The following ARMC9 variants were observed in gnomAD, a reference collection of about 807,000 sequenced individuals.
ARMC9 encodes the protein armadillo repeat containing 9.
Under a neutral mutation model 107.0 loss-of-function variants are expected in ARMC9, and 94 were observed. The ratio of observed to expected loss-of-function variants is 0.88; its 90% CI spans 0.74 to 1.04. The LOEUF is 1.04. Ranked by LOEUF, ARMC9 falls within the 50% of genes least tolerant of loss-of-function variation. The pLI is 0.00. For synonymous variants in ARMC9, 380 were observed against 396.9 expected, an observed-to-expected ratio of 0.96 and a Z score of 0.51; for missense variants, 942 against 1,030.1, an observed-to-expected ratio of 0.91 and a Z score of 1.17.
chr2:231,351,432 G>A (rs1379452957), intron 21 of ARMC9, among the ~76,000 whole-genome samples: 3 of 152,026 alleles, frequency 2.0e-5, no homozygotes, highest in Non-Finnish European at 4.4e-5. Context: ...TAAACCAGTG[G>A]TGTTGAACTT....
chr2:231,244,631 A>T (rs974207261), intron 9 of ARMC9, among the ~76,000 whole-genome samples: 1 of 152,184 alleles, frequency 6.6e-6, no homozygotes, highest in Non-Finnish European at 1.5e-5. Flanking sequence ...TGGCCTCCCA[A>T]AATGCTGGGA....
intron 3 of ARMC9, among the ~76,000 whole-genome samples, chr2:231,213,169 T>C (rs1211518874): frequency 2.0e-5 from 3 of 151,724 alleles, no homozygotes; most frequent in African/African-American, 4.8e-5. Context: ...TTTTTCTTTT[T>C]TTTTTTTTTT....
Position 231,278,002 on chromosome 2 carries a change from C to T in ARMC9, c.1475-380C>T, listed in dbSNP as rs576088747. 6.2e-4 allele frequency among the ~76,000 whole-genome samples: 94 copies of T among 152,166 alleles called. 1 individual carries two copies. Among genetic ancestry groups the T allele is most frequent in the African/African-American group, 2.0e-3 (85 of 41,526 alleles). On this transcript the variant is annotated intron_variant, in intron 15 of 24. Coordinates refer to ENST00000611582, the MANE Select transcript of ARMC9 (RefSeq NM_001352754.2). ...GGTCTTCCTGATGGTGGTGTCCGTG[C>T]GTGGGAGGGAGAACGTTGCTCTATA...
intron 19 of ARMC9, among the ~76,000 whole-genome samples, chr2:231,308,656 T>C (rs2042166764): frequency 6.6e-6 from 1 of 152,190 alleles, no homozygotes; most frequent in African/African-American, 2.4e-5. Context: ...AACAAGATGA[T>C]GTGGCTAGAA....
At chr2:231,282,272 A>G (rs2125453917) in intron 17 of ARMC9, 139 bp downstream of exon 17, 2 of 817,996 alleles carry the variant, frequency 2.4e-6, no homozygotes, top group Admixed American at 2.5e-5. Flanking sequence ...TGTAAAATGT[A>G]TATTTGCCAT....
At chr2:231,264,367 C>T (rs1055455800) in intron 12 of ARMC9, among the ~76,000 whole-genome samples, 1 of 150,628 alleles carries the variant, frequency 6.6e-6, no homozygotes, top group African/African-American at 2.4e-5. Context: ...TTAGTAGAGA[C>T]GGGATTTCAC....
intron 8 of ARMC9, among the ~76,000 whole-genome samples, chr2:231,238,435 G>A (rs890990489): frequency 6.6e-6 from 1 of 152,102 alleles, no homozygotes; most frequent in Non-Finnish European, 1.5e-5. Flanking sequence ...CTGCAGCCTC[G>A]GCCTCCCAGG....
chr2:231,210,213 G>A (rs139240567), intron 3 of ARMC9, among the ~76,000 whole-genome samples: 14 of 152,320 alleles, frequency 9.2e-5, no homozygotes, highest in South Asian at 2.1e-4. Flanking sequence ...CTCCGCTTCA[G>A]GCCTCTGGCC....
At chr2:231,317,635 G>A (rs1039193723) in intron 19 of ARMC9, among the ~76,000 whole-genome samples, 1 of 151,926 alleles carries the variant, frequency 6.6e-6, no homozygotes, top group Non-Finnish European at 1.5e-5. Flanking sequence ...ACACATGTTA[G>A]AATGCTGATA....
chr2:231,321,813 T>C (rs554501413), intron 19 of ARMC9, among the ~76,000 whole-genome samples: 1 of 152,310 alleles, frequency 6.6e-6, no homozygotes, highest in African/African-American at 2.4e-5. Flanking sequence ...CCTCTCCCTC[T>C]AACCTCATGG....
chr2:231,303,536 C>G (rs1347651035), intron 19 of ARMC9, among the ~76,000 whole-genome samples: 1 of 152,160 alleles, frequency 6.6e-6, no homozygotes, highest in Non-Finnish European at 1.5e-5. Flanking sequence ...TCCCTCTGTT[C>G]CTAGTTTGCT....
intron 22 of ARMC9, among the ~76,000 whole-genome samples, chr2:231,359,021 GT>G (rs1367320459): frequency 6.6e-6 from 1 of 151,398 alleles, no homozygotes; most frequent in African/African-American, 2.4e-5. Context: ...GAAGACCCCG[GT>G]GCACACCCAT....
chr2:231,301,632 G>T (rs2041730709), intron 19 of ARMC9, among the ~76,000 whole-genome samples: 1 of 151,900 alleles, frequency 6.6e-6, no homozygotes, highest in African/African-American at 2.4e-5. Flanking sequence ...ATGTTTTAAA[G>T]ATATATTTTT....
intron 9 of ARMC9, among the ~76,000 whole-genome samples, chr2:231,249,330 G>C (rs1226484295): frequency 2.0e-5 from 3 of 152,112 alleles, no homozygotes; most frequent in Non-Finnish European, 4.4e-5. Context: ...GGAGACTCCC[G>C]AGAAGTCCCG....
chr2:231,278,575 A>G (rs1049944112), intron 16 of ARMC9, 117 bp downstream of exon 16: 3 of 832,398 alleles, frequency 3.6e-6, no homozygotes, highest in Non-Finnish European at 5.8e-6. Flanking sequence ...AAAACTGTAC[A>G]TGTTCTCTGT....
chr2:231,352,783 A>G (rs1452097262), intron 21 of ARMC9, among the ~76,000 whole-genome samples: 1 of 152,022 alleles, frequency 6.6e-6, no homozygotes, highest in African/African-American at 2.4e-5. Flanking sequence ...ATAGATAACC[A>G]TATATACACA....
intron 17 of ARMC9, 22 bp downstream of exon 17, chr2:231,282,155 A>T (rs1212639013): frequency 6.2e-7 from 1 of 1,611,712 alleles, no homozygotes; most frequent in Non-Finnish European, 8.5e-7. Context: ...TGCCTGAGAA[A>T]CATGTGAGCT....
chr2:231,330,217 TTC>T (rs1294204921), intron 19 of ARMC9, among the ~76,000 whole-genome samples: 3 of 119,168 alleles, frequency 2.5e-5, no homozygotes, highest in Non-Finnish European at 5.0e-5. Flanking sequence ...GTGTTCAATT[TTC>T]TTTTTCTTTC....
chr2:231,330,803 A>G lies in ARMC9; in HGVS notation c.1774-990A>G, dbSNP rs531911892. Among the ~76,000 whole-genome samples the G allele has an allele frequency of 1.3e-4, 17 of 132,198 alleles. No homozygotes were observed. The East Asian group carries it at 3.1e-3, about 24-fold the overall frequency. The allele number at this position is 132,198 out of a possible 152,430, so 86.7% of individuals were successfully genotyped here. On this transcript the variant is annotated intron_variant, in intron 19 of 24. Coordinates refer to ENST00000611582, the MANE Select transcript of ARMC9 (RefSeq NM_001352754.2). Reference sequence around the variant, plus strand: ...GTCAGGTCCTTTGGCTAAAGGAAGCAGGCTTTGGGTAAAGGAAGCAGGCTT... The same window carrying G: ...GTCAGGTCCTTTGGCTAAAGGAAGCGGGCTTTGGGTAAAGGAAGCAGGCTT...
Sources: gnomAD v4.1 joint callset for allele counts (sites outside exome capture counted in the v4.1 genomes callset) on GRCh38, gnomAD v4.1.1 for gene constraint, MANE v1.5 for transcripts, NCBI Gene and HGNC (gene_info 2026-07-23, HGNC 2026-07-21) for gene names.